The following PCDHGA9 variants were observed in gnomAD, a reference collection of about 807,000 sequenced individuals.
The protein encoded by PCDHGA9 is protocadherin gamma subfamily A, 9.
A neutral mutation model predicts 62.5 loss-of-function variants in PCDHGA9; 37 were observed. The ratio of observed to expected loss-of-function variants is 0.59; its 90% CI spans 0.46 to 0.78. The LOEUF is 0.78. PCDHGA9 is among the 30% of genes least tolerant of loss of function. The pLI is 0.00. For missense variants in PCDHGA9, 1,138 were observed against 1,166.2 expected, an observed-to-expected ratio of 0.98 and a Z score of 0.35; for synonymous variants, 459 against 484.6, an observed-to-expected ratio of 0.95 and a Z score of 0.69.
At chr5:141,419,756 G>A in intron 1 of PCDHGA9, 7 of 1,614,008 alleles carry the variant, frequency 4.3e-6, no homozygotes, top group East Asian at 2.2e-5. Flanking sequence ...GCGTGCTTTG[G>A]GTGACAAGGA....
At chr5:141,415,386 A>G (rs1383734863) in intron 1 of PCDHGA9, 9 of 1,614,156 alleles carry the variant, frequency 5.6e-6, no homozygotes, top group Non-Finnish European at 7.6e-6. Flanking sequence ...GCGGCTTGAC[A>G]GGTGTGTCCG....
intron 2 of PCDHGA9, among the ~76,000 whole-genome samples, chr5:141,497,126 C>T (rs565697662): frequency 8.2e-4 from 125 of 151,844 alleles, no homozygotes; most frequent in African/African-American, 3.0e-3. Flanking sequence ...GCAGAGGTTG[C>T]AGTGAGCTGA....
At chr5:141,464,035 C>T (rs564886798) in intron 1 of PCDHGA9, among the ~76,000 whole-genome samples, 1 of 152,066 alleles carries the variant, frequency 6.6e-6, no homozygotes, top group African/African-American at 2.4e-5. Context: ...GAGGCCAAGG[C>T]GGGTGGATCA....
chr5:141,454,618 C>T (rs1259161504), intron 1 of PCDHGA9, among the ~76,000 whole-genome samples: 1 of 151,470 alleles, frequency 6.6e-6, no homozygotes, highest in Non-Finnish European at 1.5e-5. Flanking sequence ...GTTGGTCAGG[C>T]TGGTCTCGAA....
intron 1 of PCDHGA9, among the ~76,000 whole-genome samples, chr5:141,460,418 G>C (rs905215023): frequency 3.3e-5 from 5 of 152,096 alleles, no homozygotes; most frequent in Admixed American, 6.5e-5. Flanking sequence ...TGATGTTTAT[G>C]TATGGTGTAT....
At chr5:141,422,959 C>A in intron 1 of PCDHGA9, 1 of 1,614,234 alleles carries the variant, frequency 6.2e-7, no homozygotes, top group South Asian at 1.1e-5. Context: ...TGGCGTGGAG[C>A]TGGCGCCCCG....
Position 141,404,625 on chromosome 5 carries a change from A to G in PCDHGA9, c.1673A>G (p.Asn558Ser), listed in dbSNP as rs375300806. The G allele has an allele frequency of 9.0e-5, 146 of 1,614,036 alleles. No homozygotes were observed. The highest frequency in any genetic ancestry group is 5.1e-4 in the South Asian group (46 of 91,078). The change falls in exon 1 of 4, where the codon AAT becomes AGT. Residue 558 changes from asparagine (N) to serine (S), a missense_variant. Transcript: ENST00000573521. ...LRLFVLDQND[N>S]APEILYPALP... ...CTGTTTGTTTTGGACCAGAATGACA[A>G]TGCCCCAGAAATCCTGTACCCTGCC...
Position 141,491,623 on chromosome 5 carries a change from G to T in PCDHGA9, c.2425-3184G>T. 1 of 1,613,930 alleles carries T rather than the reference G, an allele frequency of 6.2e-7. No homozygotes were observed. The highest frequency in any genetic ancestry group is 1.1e-5 in the South Asian group (1 of 91,084). On this transcript the variant is annotated intron_variant, in intron 1 of 3. Transcript: ENST00000573521. This position sits in a 1 kb window ranked among gnomAD's most constrained non-coding sequence, Gnocchi z 6.9. ...CTTCACTTTTCTAAGACCCCTCAGC[G>T]TTCAGCAGCCCACAGCTCTGGCGCT...
At chr5:141,430,977 A>C (rs761722055) in intron 1 of PCDHGA9, 1 of 1,613,290 alleles carries the variant, frequency 6.2e-7, no homozygotes, top group South Asian at 1.1e-5. Context: ...GGTAGGACGC[A>C]GCTTTTCGCC....
chr5:141,433,358 C>CGTAT, intron 1 of PCDHGA9: 1 of 503,368 alleles, frequency 2.0e-6, no homozygotes, highest in Non-Finnish European at 3.5e-6. Context: ...CTACTGTCTG[C>CGTAT]CTATCTATCT....
chr5:141,479,020 T>C (rs961123768), intron 1 of PCDHGA9, among the ~76,000 whole-genome samples: 1 of 152,236 alleles, frequency 6.6e-6, no homozygotes, highest in African/African-American at 2.4e-5. Flanking sequence ...ATAATTTTCC[T>C]TTGTTTATAC....
At chr5:141,488,239 G>A (rs576918071) in intron 1 of PCDHGA9, among the ~76,000 whole-genome samples, 3 of 152,222 alleles carry the variant, frequency 2.0e-5, no homozygotes, top group South Asian at 4.1e-4. Context: ...AACTAGATGC[G>A]GTAAATTGGA....
At chr5:141,460,912 GTA>G (rs34683754) in intron 1 of PCDHGA9, among the ~76,000 whole-genome samples, 12 of 149,310 alleles carry the variant, frequency 8.0e-5, no homozygotes, top group African/African-American at 7.4e-5. Flanking sequence ...ATTCCATGGT[GTA>G]TATATATATA....
At chr5:141,411,954 A>T (rs563669924) in intron 1 of PCDHGA9, 1 of 152,382 alleles carries the variant, frequency 6.6e-6, no homozygotes, top group East Asian at 1.9e-4. Flanking sequence ...TTTTGAAGAA[A>T]AAAGATAAAA....
chr5:141,471,626 G>A (rs938624727), intron 1 of PCDHGA9: 2 of 152,108 alleles, frequency 1.3e-5, no homozygotes, highest in South Asian at 4.1e-4. Context: ...GTAAGCATTG[G>A]TATGGATTAG....
chr5:141,507,487 G>A (rs889348168), intron 3 of PCDHGA9, among the ~76,000 whole-genome samples: 1 of 152,204 alleles, frequency 6.6e-6, no homozygotes, highest in African/African-American at 2.4e-5. Context: ...GCCTCCTGAG[G>A]CAGAGCTGTC....
chr5:141,432,104 C>T lies in PCDHGA9; in HGVS notation c.2424+26728C>T. The stretch of plus-strand genomic sequence containing the variant: ...GAACGTGGCAGACACCAACGACAAC[C>T]CGCCGGTCTTCCCTCAGGCCTCCTA... On this transcript the variant is annotated intron_variant, in intron 1 of 3. Coordinates refer to ENST00000573521, the MANE Select transcript of PCDHGA9 (RefSeq NM_018921.3). This position sits in a 1 kb window ranked among gnomAD's most constrained non-coding sequence, Gnocchi z 6.0. 1 of 1,614,204 alleles carries T rather than the reference C, an allele frequency of 6.2e-7. No individual in the cohort carries two copies. The highest frequency in any genetic ancestry group is 1.7e-5 in the Admixed American group (1 of 60,026).
intron 1 of PCDHGA9, chr5:141,421,393 G>A: frequency 6.2e-7 from 1 of 1,614,038 alleles, no homozygotes; most frequent in Non-Finnish European, 8.5e-7. Flanking sequence ...CCTGGGGCTG[G>A]AGCCCCGGGA....
intron 1 of PCDHGA9, among the ~76,000 whole-genome samples, chr5:141,465,279 C>T (rs975247599): frequency 3.3e-5 from 5 of 152,028 alleles, no homozygotes; most frequent in South Asian, 2.1e-4. Flanking sequence ...TTTAGTTCAC[C>T]CCTAAAGAAC....
Sources: allele counts gnomAD v4.1 joint callset (sites outside exome capture counted in the v4.1 genomes callset), GRCh38; gene constraint gnomAD v4.1.1; non-coding constraint Gnocchi (gnomAD v3.1); transcripts MANE v1.5; gene names NCBI Gene and HGNC (gene_info 2026-07-23, HGNC 2026-07-21).